Variants in COASY observed in about 807,000 individuals in gnomAD.
The protein encoded by COASY is Coenzyme A synthase.
In COASY, 31 loss-of-function variants were observed where a neutral mutation model predicts 49.4. The ratio of observed to expected loss-of-function variants is 0.63; its 90% CI spans 0.47 to 0.85. The LOEUF (loss-of-function observed/expected upper bound fraction) is 0.85. Among genes scored for constraint, COASY ranks in the 40% least tolerant of loss-of-function variants. COASY has a pLI of 0.00. For synonymous variants in COASY, 285 were observed against 310.9 expected (o/e 0.92, Z 0.88); for missense variants, 730 against 734.1 (o/e 0.99, Z 0.06).
At position 42,564,739 on chromosome 17, in the gene COASY, G is replaced by C. The variant is rs1049379953; in HGVS notation, c.1078G>C (p.Val360Leu). The change falls in exon 4 of 9, where the codon GTA becomes CTA. Residue 360 changes from valine to leucine, a missense_variant. By Grantham distance (32) the Val-to-Leu change is conservative. Coordinates refer to ENST00000393818, the MANE Select transcript of COASY (RefSeq NM_025233.7). ...ERPELPTCLY[V>L]IGLTGISGSG... ...GCCAGAGCTCCCCACATGTCTCTAT[G>C]TAATTGGGCTGACTGGCATCAGTGG... 5 of 1,528,454 alleles carry C rather than the reference G, an allele frequency of 3.3e-6. No individual in the cohort carries two copies. The highest frequency in any genetic ancestry group is 3.5e-6 in the Non-Finnish European group (4 of 1,142,486). 94.7% of individuals were successfully genotyped at this position (1,528,454 alleles called of 1,614,324 possible). A position where few individuals can be genotyped will look rare whatever the true frequency, so the allele number is the denominator to read the frequency against.
chr17:42,564,737 A>T lies in COASY; in HGVS notation c.1076A>T (p.Tyr359Phe). 1 of 1,528,256 alleles carries T rather than the reference A, an allele frequency of 6.5e-7. No homozygotes were observed. Among genetic ancestry groups the T allele is most frequent in the South Asian group, 1.3e-5 (1 of 75,640 alleles). 94.7% of individuals were successfully genotyped at this position (1,528,256 alleles called of 1,614,324 possible). The change falls in exon 4 of 9, where the codon TAT becomes TTT. Residue 359 changes from tyrosine to phenylalanine, a missense_variant. Physicochemically the swap from Tyr to Phe is conservative, Grantham distance 22 (BLOSUM62 3). Transcript: ENST00000393818. ...YERPELPTCL[Y>F]VIGLTGISGS... ...AGGCCAGAGCTCCCCACATGTCTCT[A>T]TGTAATTGGGCTGACTGGCATCAGT...
At position 42,562,668 on chromosome 17, in the gene COASY, G is replaced by A; in HGVS notation, c.46G>A (p.Ala16Thr). ...SGLLVLTTPL[A>T]SLAPRLASIL... ...TCTCCTGGTGCTGACGACGCCGCTG[G>A]CCTCCCTAGCCCCTCGCCTGGCCTC... The change falls in exon 1 of 9, where the codon GCC becomes ACC. Residue 16 changes from alanine to threonine, a missense_variant. By Grantham distance (58) the Ala-to-Thr change is moderately conservative (BLOSUM62 0). Coordinates refer to ENST00000393818, the MANE Select transcript of COASY (RefSeq NM_025233.7). 1 of 1,526,264 alleles carries A rather than the reference G, an allele frequency of 6.6e-7. No individual in the cohort carries two copies. Among genetic ancestry groups the A allele is most frequent in the Non-Finnish European group, 8.8e-7 (1 of 1,141,216 alleles). 94.5% of individuals were successfully genotyped at this position (1,526,264 alleles called of 1,614,324 possible).
In COASY at chr17:42,564,107, G is replaced by A. The variant is rs983128235; in HGVS notation, c.847G>A (p.Glu283Lys). The A allele has an allele frequency of 4.3e-6, 7 of 1,613,986 alleles. No homozygotes were observed. In the South Asian group the frequency reaches 5.5e-5, roughly 13 times the overall value. ...GCCCGCTGGCTCTGACCCCTCCCTG[G>A]AGTTCCTGGTGGTCAGCGAGGAGAC... ...YGPAGSDPSLEFLVVSEETYR... is the reference protein window; with the variant it reads ...YGPAGSDPSLKFLVVSEETYR... Residue 283 changes from glutamate (E) to lysine (K), a missense_variant, in exon 2 of 9, where the codon GAG becomes AAG. By Grantham distance (56) the Glu-to-Lys change is moderately conservative. Coordinates refer to ENST00000393818, the MANE Select transcript of COASY (RefSeq NM_025233.7).
intron 1 of COASY, 93 bp downstream of exon 1, chr17:42,563,415 C>T: frequency 8.4e-7 from 1 of 1,195,488 alleles, no homozygotes; most frequent in Non-Finnish European, 1.2e-6. Context: ...TAGGGCCATT[C>T]ATTACTTCCC....
chr17:42,565,425 T>C, intron 6 of COASY, 46 bp from the exon 7 acceptor site: 2 of 1,609,984 alleles, frequency 1.2e-6, no homozygotes, highest in Non-Finnish European at 8.5e-7. Flanking sequence ...GTGTTCTGCC[T>C]GGGAGAACGT....
intron 1 of COASY, chr17:42,563,570 T>G: frequency 1.8e-6 from 1 of 542,566 alleles, no homozygotes; most frequent in South Asian, 2.4e-5. Context: ...TTTTAGCAAG[T>G]TTTCCAGGTG....
At position 42,566,130 on chromosome 17, in the gene COASY, C is replaced by T. The variant is rs963426282; in HGVS notation, c.*162C>T. 7.1e-6 allele frequency: 5 copies of T among 707,016 alleles called. No individual in the cohort carries two copies. Among genetic ancestry groups the T allele is most frequent in the African/African-American group, 3.5e-5 (2 of 56,428 alleles). The allele number at this position is 707,016 out of a possible 1,614,324, so 43.8% of individuals were successfully genotyped here. On this transcript the variant is annotated 3_prime_UTR_variant, in exon 9 of 9. Transcript: ENST00000393818. ...GTGGACACAGGAAGCCTACCCAACA[C>T]GCTGGTATTTGGCCAACACTGAGGA...
In COASY at chr17:42,566,057, T is replaced by C. The variant is rs1376189821; in HGVS notation, c.*89T>C. 15 of 1,405,542 alleles carry C rather than the reference T, an allele frequency of 1.1e-5. 1 individual carries two copies. The Middle Eastern group carries it at 5.5e-4, about 51-fold the overall frequency. The allele number at this position is 1,405,542 out of a possible 1,614,324, so 87.1% of individuals were successfully genotyped here. ...TGGGGGCCTTGATGCTCACCCTGGT[T>C]CAGGCCCAGAGGTCCAAGCTATACT... is the stretch of plus-strand genomic sequence containing the variant. On this transcript the variant is annotated 3_prime_UTR_variant, in exon 9 of 9. Transcript: ENST00000393818.
Position 42,562,997 on chromosome 17 carries a change from G to A in COASY, c.375G>A (p.Gln125=), listed in dbSNP as rs564620226. 6 of 1,614,168 alleles carry A rather than the reference G, an allele frequency of 3.7e-6. No individual in the cohort carries two copies. The highest frequency in any genetic ancestry group is 2.2e-5 in the East Asian group (1 of 44,884). The change falls in exon 1 of 9, where the codon CAG becomes CAA. Residue 125 remains glutamine, a synonymous_variant. Transcript: ENST00000393818. ...LTDFQTLDGS[Q]YNPVKQQLVR... is the part of the protein sequence containing the mutation. ...ATTTCCAGACCCTGGATGGAAGCCA[G>A]TACAACCCGGTCAAACAGCAGCTAG...
chr17:42,565,260 C>T lies in COASY; in HGVS notation c.1336C>T (p.Pro446Ser). The change falls in exon 6 of 9, where the codon CCA (proline) becomes TCA (serine). Residue 446 changes from proline (P) to serine (S), a missense_variant. Physicochemically the swap from Pro to Ser is moderately conservative, Grantham distance 74. Transcript: ENST00000393818. ...GAAGATACTCACGGACATTATGTGG[C>T]CAATTATCGCAAAGCTGGCCCGAGA... ...QLKILTDIMWPIIAKLAREEM... is the reference protein window; with the variant it reads ...QLKILTDIMWSIIAKLAREEM... The T allele has an allele frequency of 6.2e-7, 1 of 1,614,132 alleles. No individual in the cohort carries two copies. The highest frequency in any genetic ancestry group is 1.7e-5 in the Admixed American group (1 of 60,028).
At position 42,564,837 on chromosome 17, in the gene COASY, T is replaced by C. The variant is rs1329104127; in HGVS notation, c.1176T>C (p.Gly392=). The C allele has an allele frequency of 9.5e-6, 15 of 1,573,960 alleles. No homozygotes were observed. The highest frequency in any genetic ancestry group is 1.3e-5 in the Non-Finnish European group (15 of 1,162,124). The change falls in exon 4 of 9, where the codon GGT becomes GGC. Residue 392 remains glycine, a synonymous_variant. Coordinates refer to ENST00000393818, the MANE Select transcript of COASY (RefSeq NM_025233.7). ...GAFVIDSDHL[G]HRAYAPGGPA... ...TTGTCATTGACAGTGACCACCTGGG[T>C]CATCGGGCCTATGCCCCAGGTGGCC...
intron 5 of COASY, 26 bp from the exon 6 acceptor site, chr17:42,565,201 C>T (rs1208757560): frequency 6.2e-7 from 1 of 1,612,430 alleles, no homozygotes; most frequent in African/African-American, 1.3e-5. Flanking sequence ...GAGAAGGTAA[C>T]CTCTGCCCTC....
rs942073703 is a variant in COASY at position 42,562,156 on chromosome 17, T to G, written c.-467T>G. ...CGAGTTGCGGTTTCTCCGTTAGTGC[T>G]TCCGGGTTGCAGCCAGGGAAGCCTC... On this transcript the variant is annotated 5_prime_UTR_variant, in exon 1 of 9. Coordinates refer to ENST00000393818, the MANE Select transcript of COASY (RefSeq NM_025233.7). 2.1e-6 allele frequency: 1 copy of G among 485,450 alleles called. No homozygotes were observed. Among genetic ancestry groups the G allele is most frequent in the East Asian group, 3.5e-5 (1 of 28,918 alleles). The allele number at this position is 485,450 out of a possible 1,614,324, so 30.1% of individuals were successfully genotyped here.
chr17:42,563,988 C>A lies in COASY; in HGVS notation c.728C>A (p.Pro243His), dbSNP rs1192207333. 6.8e-6 allele frequency: 11 copies of A among 1,613,270 alleles called. No individual in the cohort carries two copies. Among genetic ancestry groups the A allele is most frequent in the Non-Finnish European group, 8.5e-6 (10 of 1,179,604 alleles). Residue 243 changes from proline (P) to histidine (H), a missense_variant, in exon 2 of 9, where the codon CCT becomes CAT. By Grantham distance (77) the Pro-to-His change is moderately conservative (BLOSUM62 -2). Transcript: ENST00000393818. Reference sequence around the variant, plus strand: ...AAGTTGCTCCCTGAGCTGCTCCAACCTTATACAGAACGTGTGGAACATCTG... The same window carrying A: ...AAGTTGCTCCCTGAGCTGCTCCAACATTATACAGAACGTGTGGAACATCTG... ...KSKLLPELLQPYTERVEHLSE... is the reference protein window; with the variant it reads ...KSKLLPELLQHYTERVEHLSE...
intron 3 of COASY, 35 bp downstream of exon 3, chr17:42,564,612 G>A: frequency 6.3e-7 from 1 of 1,586,996 alleles, no homozygotes; most frequent in East Asian, 2.2e-5. Context: ...CCTGCTTGGT[G>A]TCCTGGCAAT....
chr17:42,562,730 A>G lies in COASY; in HGVS notation c.108A>G (p.Thr36=), dbSNP rs560100638. The change falls in exon 1 of 9, where the codon ACA becomes ACG. Residue 36 remains threonine (T), a synonymous_variant. Transcript: ENST00000393818. ...CGGCGGCCCGGCTGGTGAATCACAC[A>G]CTCTATGTTCACCTGCAGCCGGGCA... ...LTSAARLVNH[T]LYVHLQPGMS... 1.3e-6 allele frequency: 2 copies of G among 1,582,136 alleles called. No individual in the cohort carries two copies. Among genetic ancestry groups the G allele is most frequent in the South Asian group, 1.1e-5 (1 of 89,496 alleles).
At chr17:42,564,316 C>A (rs769241823) in intron 2 of COASY, 130 bp from the exon 3 acceptor site, 1 of 1,486,534 alleles carries the variant, frequency 6.7e-7, no homozygotes, top group Middle Eastern at 1.7e-4. Context: ...GGAACTGGTT[C>A]TCAGTTTGCC....
At chr17:42,564,403 C>T (rs984808820) in intron 2 of COASY, 43 bp from the exon 3 acceptor site, 2 of 1,610,816 alleles carry the variant, frequency 1.2e-6, no homozygotes, top group Non-Finnish European at 8.5e-7. Flanking sequence ...GTCTTCCTCT[C>T]ACTCCCTCCT....
chr17:42,565,720 A>T lies in COASY; in HGVS notation c.1547A>T (p.Gln516Leu). 1 of 1,613,972 alleles carries T rather than the reference A, an allele frequency of 6.2e-7. No individual in the cohort carries two copies. The highest frequency in any genetic ancestry group is 8.5e-7 in the Non-Finnish European group (1 of 1,179,980). ...GAAGCCGCGGCTCAAAGCCGGCTGCAGAGCCAGATGAGCGGGCAGCAGCTT... is the reference window on the plus strand; with the variant it reads ...GAAGCCGCGGCTCAAAGCCGGCTGCTGAGCCAGATGAGCGGGCAGCAGCTT... ...LSEAAAQSRL[Q>L]SQMSGQQLVE... Residue 516 changes from glutamine to leucine, a missense_variant, in exon 8 of 9, where the codon CAG becomes CTG. Coordinates refer to ENST00000393818, the MANE Select transcript of COASY (RefSeq NM_025233.7).
Sources: gnomAD v4.1 joint callset for allele counts on GRCh38, gnomAD v4.1.1 for gene constraint, MANE v1.5 for transcripts, NCBI Gene and HGNC (gene_info 2026-07-23, HGNC 2026-07-21) for gene names.